The following FAAH2 variants were observed in gnomAD, a reference collection of about 807,000 sequenced individuals.
FAAH2 encodes fatty-acid amide hydrolase 2.
Under a neutral mutation model 36.9 loss-of-function variants are expected in FAAH2, and 60 were observed. The observed-to-expected ratio is 1.63, with a 90% CI of 1.32 to 2.02. The LOEUF (loss-of-function observed/expected upper bound fraction) is 2.02. Ranked by LOEUF, FAAH2 falls within the 30% of genes most tolerant of loss-of-function variation. The pLI is 0.00. For missense variants in FAAH2, 689 were observed against 397.5 expected, an observed-to-expected ratio of 1.73 and a Z score of -6.23; for synonymous variants, 214 against 143.8, an observed-to-expected ratio of 1.49 and a Z score of -3.49.
chrX:57,380,104 C>G (rs1205163127), intron 6 of FAAH2, among the ~76,000 whole-genome samples: 1 of 111,116 alleles, frequency 9.0e-6, no homozygotes, highest in Admixed American at 9.6e-5. Flanking sequence ...AGCATTTATC[C>G]TTTATGTTAT....
chrX:57,421,091 C>T (rs1268402915), intron 7 of FAAH2, among the ~76,000 whole-genome samples: 1 of 112,109 alleles, frequency 8.9e-6, no homozygotes, highest in Non-Finnish European at 1.9e-5. Flanking sequence ...CTATTCATTA[C>T]CTTCATAAGA....
chrX:57,164,615 A>G, the FAAH2 span, among the ~76,000 whole-genome samples: 1 of 112,455 alleles, frequency 8.9e-6, no homozygotes, highest in Non-Finnish European at 1.9e-5. Flanking sequence ...AGAATATGCC[A>G]CAGGAAATGA....
At chrX:57,138,915 T>A in the FAAH2 span, among the ~76,000 whole-genome samples, 1 of 112,253 alleles carries the variant, frequency 8.9e-6, no homozygotes. Context: ...GATTATTTGA[T>A]TTTTTACTAT....
At chrX:57,368,862 T>C (rs1188893722) in intron 5 of FAAH2, among the ~76,000 whole-genome samples, 1 of 110,737 alleles carries the variant, frequency 9.0e-6, no homozygotes, top group Non-Finnish European at 1.9e-5. Context: ...AATTTTGTGG[T>C]AACTGACCCC....
chrX:57,147,576 G>C, the FAAH2 span, among the ~76,000 whole-genome samples: 1 of 111,254 alleles, frequency 9.0e-6, no homozygotes, highest in Non-Finnish European at 1.9e-5. Context: ...CTCTGATCTT[G>C]GTTATTTCTT....
At chrX:57,262,318 G>T in the FAAH2 span, among the ~76,000 whole-genome samples, 6 of 111,129 alleles carry the variant, frequency 5.4e-5, no homozygotes, top group African/African-American at 2.0e-4. Flanking sequence ...TGAAATAAAT[G>T]AAACTATAAA....
chrX:57,275,105 C>T, the FAAH2 span, among the ~76,000 whole-genome samples: 1 of 111,707 alleles, frequency 9.0e-6, no homozygotes, highest in African/African-American at 3.3e-5. Context: ...TTCTTATACA[C>T]CAATAACAGA....
At chrX:57,328,492 G>C (rs1169077367) in intron 3 of FAAH2, among the ~76,000 whole-genome samples, 1 of 111,116 alleles carries the variant, frequency 9.0e-6, no homozygotes, top group Non-Finnish European at 1.9e-5. Flanking sequence ...CCTTAGATTG[G>C]GTTTTAATAT....
At position 57,487,039 on chromosome X, in the gene FAAH2, G is replaced by T. The variant is rs1246818320; in HGVS notation, c.1424-1718G>T. On this transcript the variant is annotated intron_variant, in intron 10 of 10. Coordinates refer to ENST00000374900, the MANE Select transcript of FAAH2 (RefSeq NM_174912.4). ...AAGACAGTTCAATGAAGAATTAATA[G>T]TCTTTTCATCAAATGGTTCTAGGAC... Among the ~76,000 whole-genome samples the T allele has an allele frequency of 2.7e-5, 3 of 111,494 alleles. No homozygotes were observed. The Admixed American group carries it at 2.9e-4, about 11-fold the overall frequency.
At chrX:57,283,853 C>T (rs1366366046), upstream of FAAH2, among the ~76,000 whole-genome samples, 1 of 112,119 alleles carries the variant, frequency 8.9e-6, no homozygotes, top group African/African-American at 3.2e-5. Flanking sequence ...TCCTCAGAAA[C>T]GCAGAGCTGC....
At chrX:57,412,236 T>A (rs1369001653) in intron 7 of FAAH2, among the ~76,000 whole-genome samples, 2 of 111,957 alleles carry the variant, frequency 1.8e-5, no homozygotes, top group Admixed American at 1.9e-4. Context: ...TATTTTAAGT[T>A]CTGGGATACA....
At chrX:57,395,724 G>GC (rs1300184314) in intron 7 of FAAH2, among the ~76,000 whole-genome samples, 43 of 111,631 alleles carry the variant, frequency 3.9e-4, no homozygotes, top group Admixed American at 3.4e-3. Context: ...AACCCACATG[G>GC]CTTGATGTAC....
intron 9 of FAAH2, among the ~76,000 whole-genome samples, chrX:57,447,994 C>A (rs1407951331): frequency 8.9e-6 from 1 of 111,949 alleles, no homozygotes; most frequent in East Asian, 2.8e-4. Context: ...AACGTTTATT[C>A]TCTGTTTCCC....
intron 8 of FAAH2, among the ~76,000 whole-genome samples, chrX:57,437,772 AATTATAT>A (rs1311211028): frequency 9.7e-6 from 1 of 102,845 alleles, no homozygotes; most frequent in African/African-American, 3.4e-5. Context: ...ATTGAAATAT[AATTATAT>A]ATTATATATT....
chrX:57,472,946 G>T (rs1325560650), intron 10 of FAAH2, among the ~76,000 whole-genome samples: 2 of 109,631 alleles, frequency 1.8e-5, no homozygotes, highest in Non-Finnish European at 3.8e-5. Context: ...TCCTGCTAGG[G>T]GTCTGTCAAG....
At chrX:57,199,369 A>G in the FAAH2 span, among the ~76,000 whole-genome samples, 1 of 110,675 alleles carries the variant, frequency 9.0e-6, no homozygotes, top group African/African-American at 3.3e-5. Flanking sequence ...CACCTTGATT[A>G]ATTTCTGTGT....
chrX:57,439,267 T>C (rs1161376673), intron 8 of FAAH2, among the ~76,000 whole-genome samples: 4 of 110,213 alleles, frequency 3.6e-5, no homozygotes, highest in African/African-American at 1.0e-4. Flanking sequence ...GCACCTGTTG[T>C]TTCCTGACTT....
chrX:57,381,069 CAAAG>C, intron 7 of FAAH2, 40 bp downstream of exon 7: 1 of 984,797 alleles, frequency 1.0e-6, no homozygotes, highest in Non-Finnish European at 1.4e-6. Flanking sequence ...TATTTTTAGT[CAAAG>C]AGATATCCTT....
intron 7 of FAAH2, among the ~76,000 whole-genome samples, chrX:57,417,933 G>C (rs1239808424): frequency 1.8e-5 from 2 of 111,857 alleles, no homozygotes; most frequent in African/African-American, 3.2e-5. Flanking sequence ...CCTTCCAAGT[G>C]AGGAGGAATC....
Sources: gnomAD v4.1 joint callset for allele counts (sites outside exome capture counted in the v4.1 genomes callset) on GRCh38, gnomAD v4.1.1 for gene constraint, MANE v1.5 for transcripts, NCBI Gene and HGNC (gene_info 2026-07-23, HGNC 2026-07-21) for gene names.